The following DYNC1I1 variants were observed in gnomAD, a reference collection of about 807,000 sequenced individuals.
The protein encoded by DYNC1I1 is dynein cytoplasmic 1 intermediate chain 1.
A neutral mutation model predicts 86.6 loss-of-function variants in DYNC1I1; 43 were observed. The observed-to-expected ratio is 0.50, with a 90% CI of 0.39 to 0.64. The LOEUF (loss-of-function observed/expected upper bound fraction) is 0.64. Ranked by LOEUF, DYNC1I1 falls within the 30% of genes least tolerant of loss-of-function variation. The pLI is 0.00. For synonymous variants in DYNC1I1, 262 were observed against 283.7 expected (o/e 0.92, Z 0.77); for missense variants, 604 against 788.8 (o/e 0.77, Z 2.81).
intron 6 of DYNC1I1, among the ~76,000 whole-genome samples, chr7:95,908,252 T>C (rs749851956): frequency 6.6e-5 from 10 of 152,326 alleles, no homozygotes; most frequent in Admixed American, 3.3e-4. Context: ...TATTTGTTTA[T>C]AGAACCCTAT....
At chr7:96,027,866 T>C (rs1794718546) in intron 10 of DYNC1I1, among the ~76,000 whole-genome samples, 1 of 152,188 alleles carries the variant, frequency 6.6e-6, no homozygotes, top group African/African-American at 2.4e-5. Flanking sequence ...GAAATGTCCA[T>C]AAAGCAAGAT....
chr7:95,780,450 T>G (rs2115645405), intron 1 of DYNC1I1, among the ~76,000 whole-genome samples: 1 of 149,126 alleles, frequency 6.7e-6, no homozygotes, highest in African/African-American at 2.5e-5. Context: ...TTTTTTTTTT[T>G]TGTATTTTTA....
chr7:95,800,015 G>A (rs1375763979), intron 1 of DYNC1I1, among the ~76,000 whole-genome samples: 2 of 150,580 alleles, frequency 1.3e-5, no homozygotes, highest in Admixed American at 6.7e-5. Context: ...CAGGCATAAT[G>A]TTTAGCTCTT....
At chr7:95,920,184 T>C (rs1791574391) in intron 6 of DYNC1I1, among the ~76,000 whole-genome samples, 1 of 152,182 alleles carries the variant, frequency 6.6e-6, no homozygotes, top group African/African-American at 2.4e-5. Flanking sequence ...CAATGAATCA[T>C]GTTAGTAGCA....
chr7:95,888,184 C>G (rs894383003), intron 6 of DYNC1I1, among the ~76,000 whole-genome samples: 7 of 152,066 alleles, frequency 4.6e-5, no homozygotes, highest in African/African-American at 1.7e-4. Flanking sequence ...CACCTGTAAT[C>G]CAAACACTTT....
chr7:96,098,770 G>A (rs1223151640), downstream of DYNC1I1, among the ~76,000 whole-genome samples: 2 of 152,074 alleles, frequency 1.3e-5, no homozygotes, highest in African/African-American at 4.8e-5. Context: ...ATTACTATTG[G>A]ACTAGGAAAT....
chr7:95,938,500 A>C (rs1792110457), intron 6 of DYNC1I1, among the ~76,000 whole-genome samples: 2 of 152,160 alleles, frequency 1.3e-5, no homozygotes, highest in African/African-American at 4.8e-5. Flanking sequence ...TTGCTTTGGA[A>C]TCTTTTTATT....
At chr7:96,056,679 T>G (rs1789586382) in intron 14 of DYNC1I1, among the ~76,000 whole-genome samples, 1 of 152,056 alleles carries the variant, frequency 6.6e-6, no homozygotes, top group South Asian at 2.1e-4. Context: ...CATGATTTAC[T>G]CTCTCTATAT....
At chr7:95,867,018 C>T (rs959878297) in intron 5 of DYNC1I1, among the ~76,000 whole-genome samples, 1 of 152,156 alleles carries the variant, frequency 6.6e-6, no homozygotes, top group Admixed American at 6.5e-5. Context: ...ACTTACTCCA[C>T]CTACGTTTTG....
intron 11 of DYNC1I1, among the ~76,000 whole-genome samples, chr7:96,030,098 T>G: frequency 6.6e-6 from 1 of 152,046 alleles, no homozygotes; most frequent in Non-Finnish European, 1.5e-5. Context: ...CTTTCACTAT[T>G]GGCTGACTGA....
In DYNC1I1 at chr7:96,060,439, AC is replaced by A. The variant is rs1223572605; in HGVS notation, c.1510-15614del. On this transcript the variant is annotated intron_variant, in intron 14 of 16. Transcript: ENST00000447467. ...TGTTTCCATTAGAGAACTCATAGAT[AC>A]CCCACAATCCCTCAAGAAGGAAACC... Among the ~76,000 whole-genome samples, 3 of 152,138 alleles carry A rather than the reference AC, an allele frequency of 2.0e-5. 1 individual carries two copies. Among genetic ancestry groups the A allele is most frequent in the Non-Finnish European group, 4.4e-5 (3 of 68,036 alleles).
chr7:95,826,755 G>A (rs909548731), intron 4 of DYNC1I1, among the ~76,000 whole-genome samples: 4 of 152,170 alleles, frequency 2.6e-5, no homozygotes, highest in Admixed American at 6.5e-5. Flanking sequence ...AAGCAGGGGA[G>A]CCTCTTTGAG....
chr7:95,809,119 C>T (rs1794769989), intron 2 of DYNC1I1, among the ~76,000 whole-genome samples: 1 of 152,020 alleles, frequency 6.6e-6, no homozygotes, highest in Non-Finnish European at 1.5e-5. Context: ...GGTAGTTTTC[C>T]CTCTAATGAC....
At chr7:95,843,791 A>G (rs1789354118) in intron 5 of DYNC1I1, among the ~76,000 whole-genome samples, 1 of 152,234 alleles carries the variant, frequency 6.6e-6, no homozygotes, top group South Asian at 2.1e-4. Flanking sequence ...TACATACGGA[A>G]GTACCAAAAA....
At chr7:95,787,522 T>A (rs1794180499) in intron 1 of DYNC1I1, among the ~76,000 whole-genome samples, 1 of 152,036 alleles carries the variant, frequency 6.6e-6, no homozygotes, top group Non-Finnish European at 1.5e-5. Flanking sequence ...CTAAAACCAA[T>A]GGAGCGTTGA....
Position 95,995,995 on chromosome 7 carries a change from C to T in DYNC1I1, c.891C>T (p.Pro297=). 1 of 1,612,816 alleles carries T rather than the reference C, an allele frequency of 6.2e-7. No homozygotes were observed. Among genetic ancestry groups the T allele is most frequent in the Non-Finnish European group, 8.5e-7 (1 of 1,179,516 alleles). The change falls in exon 10 of 17, where the codon CCC becomes CCT. Residue 297 remains proline (P), a synonymous_variant. Transcript: ENST00000447467. The stretch of plus-strand genomic sequence containing the variant: ...CTTACAACAACAATGAAGATGCTCC[C>T]CATGAACCAGATGGAGTGGCCTTGG... ...VASYNNNEDA[P]HEPDGVALVW...
intron 6 of DYNC1I1, among the ~76,000 whole-genome samples, chr7:95,941,373 C>G (rs1792212714): frequency 6.6e-6 from 1 of 152,056 alleles, no homozygotes; most frequent in Non-Finnish European, 1.5e-5. Context: ...TTACTGCTGT[C>G]TTTTTGTTTG....
chr7:96,068,820 TTA>T (rs60989306), intron 14 of DYNC1I1, among the ~76,000 whole-genome samples: 12,222 of 152,210 alleles, frequency 0.08, 861 homozygotes, highest in African/African-American at 0.2. Context: ...TTTAATTTAT[TTA>T]TATATAGGTG....
chr7:96,103,829 G>T (rs1791173408), intron 16 of DYNC1I1, among the ~76,000 whole-genome samples: 1 of 152,090 alleles, frequency 6.6e-6, no homozygotes, highest in African/African-American at 2.4e-5. Flanking sequence ...AGCAAGGATG[G>T]TCTGGATCTC....
Sources: allele counts gnomAD v4.1 joint callset (sites outside exome capture counted in the v4.1 genomes callset), GRCh38; gene constraint gnomAD v4.1.1; transcripts MANE v1.5; gene names NCBI Gene and HGNC (gene_info 2026-07-23, HGNC 2026-07-21).